The following WNK4 variants were observed in gnomAD, a reference collection of about 807,000 sequenced individuals.
WNK4 encodes the protein WNK lysine deficient protein kinase 4.
In WNK4, 94 loss-of-function variants were observed where a neutral mutation model predicts 116.2. The observed-to-expected ratio is 0.81, with a 90% CI of 0.68 to 0.96. The LOEUF (loss-of-function observed/expected upper bound fraction) is 0.96, where lower values mean the gene tolerates loss of function less well. Ranked by LOEUF, WNK4 falls within the 40% of genes least tolerant of loss-of-function variation. The pLI is 0.00. For synonymous variants in WNK4, 655 were observed against 672.7 expected (o/e 0.97, Z 0.41); for missense variants, 1,542 against 1,650.6 (o/e 0.93, Z 1.14).
rs202162490 is a variant in WNK4, at chr17:42,788,391, G to A, written c.2024G>A (p.Arg675Gln). The change falls in exon 10 of 19, where the codon CGG becomes CAG. Residue 675 changes from arginine (R) to glutamine (Q), a missense_variant. By Grantham distance (43) the Arg-to-Gln change is conservative. Around this residue, in one of 7 missense-constraint regions of WNK4, gnomAD observed 808 missense variants for 873.6 expected, o/e 0.92. Transcript: ENST00000246914. The stretch of plus-strand genomic sequence containing the variant: ...AATCTCCGGCGCAGACCCCGATCCC[G>A]GCTGCGGGTCACTAGTGTAAGGATG... ...GRNLRRRPRS[R>Q]LRVTSVSDQN... 1.3e-5 allele frequency: 21 copies of A among 1,612,816 alleles called. No homozygotes were observed. In the Admixed American group the frequency reaches 2.0e-4, roughly 15 times the overall value.
rs777859949 is a variant in WNK4 at position 42,784,599 on chromosome 17, C to A, written c.1170+20C>A. 2 of 1,613,822 alleles carry A rather than the reference C, an allele frequency of 1.2e-6. No homozygotes were observed. Among genetic ancestry groups the A allele is most frequent in the Non-Finnish European group, 1.7e-6 (2 of 1,179,962 alleles). On this transcript the variant is annotated intron_variant, in intron 4 of 18. Transcript: ENST00000246914. This position sits in a 1 kb window ranked among gnomAD's most constrained non-coding sequence, Gnocchi z 4.4. ...ACTTCGGTGAGAGGGATGGGGCTGG[C>A]GGGAAAGGCAATTCCAGGGCCACTT...
rs2054517954 is a variant in WNK4 at position 42,784,342 on chromosome 17, G to T, written c.1013-80G>T. On this transcript the variant is annotated intron_variant, in intron 3 of 18. Coordinates refer to ENST00000246914, the MANE Select transcript of WNK4 (RefSeq NM_032387.5). This position sits in a 1 kb window ranked among gnomAD's most constrained non-coding sequence, Gnocchi z 4.4. Reference sequence around the variant, plus strand: ...GGCCGGGGTCACTTGCACTCGCAGGGTTGCCTGGGGCTGCCTAGCCCAGTG... The same window carrying T: ...GGCCGGGGTCACTTGCACTCGCAGGTTTGCCTGGGGCTGCCTAGCCCAGTG... 1 of 1,580,544 alleles carries T rather than the reference G, an allele frequency of 6.3e-7. No homozygotes were observed. Among genetic ancestry groups the T allele is most frequent in the African/African-American group, 1.4e-5 (1 of 73,806 alleles).
chr17:42,795,194 T>C lies in WNK4; in HGVS notation c.2773T>C (p.Ser925Pro). ...CTCCACCACAGCAGCCCCTCTCCTT[T>C]CTCTGGCTAGTGCCTTCTCACTGGC... is the stretch of plus-strand genomic sequence containing the variant. The part of the protein sequence containing the change: ...FPSTTAAPLL[S>P]LASAFSLAVM... Residue 925 changes from serine to proline, a missense_variant, in exon 14 of 19, where the codon TCT (serine) becomes CCT (proline). Coordinates refer to ENST00000246914, the MANE Select transcript of WNK4 (RefSeq NM_032387.5). 1 of 1,613,866 alleles carries C rather than the reference T, an allele frequency of 6.2e-7. No homozygotes were observed. The highest frequency in any genetic ancestry group is 8.5e-7 in the Non-Finnish European group (1 of 1,179,940).
chr17:42,784,928 G>T lies in WNK4; in HGVS notation c.1171-169G>T, dbSNP rs991723146. On this transcript the variant is annotated intron_variant, in intron 4 of 18. Coordinates refer to ENST00000246914, the MANE Select transcript of WNK4 (RefSeq NM_032387.5). The surrounding 1 kb of genome is among the most constrained non-coding windows in gnomAD (Gnocchi z 4.4). ...TTCAAGATCACACTGTAAATACTTG[G>T]GGGGGGGGCGGGGATTAGGATTTGA... Among the ~76,000 whole-genome samples, 4 of 71,906 alleles carry T rather than the reference G, an allele frequency of 5.6e-5. No individual in the cohort carries two copies. The highest frequency in any genetic ancestry group is 4.7e-4 in the South Asian group (1 of 2,132). 47.2% of individuals were successfully genotyped at this position (71,906 alleles called of 152,430 possible). A position where few individuals can be genotyped will look rare whatever the true frequency, so the allele number is the denominator to read the frequency against.
At chr17:42,796,439 C>G (rs1380428440) in intron 17 of WNK4, 42 bp from the exon 18 acceptor site, 7 of 1,613,932 alleles carry the variant, frequency 4.3e-6, no homozygotes, top group Non-Finnish European at 5.9e-6. Flanking sequence ...CCCACCTCCC[C>G]TTTCCTCACT....
intron 15 of WNK4, 30 bp from the exon 16 acceptor site, chr17:42,795,595 C>T (rs1362732548): frequency 5.6e-6 from 9 of 1,614,226 alleles, no homozygotes; most frequent in Non-Finnish European, 7.6e-6. Flanking sequence ...GCTCTCCTTT[C>T]CTCATGCCTT....
rs200519604 is a variant in WNK4 at position 42,796,286 on chromosome 17, C to G, written c.3595C>G (p.Arg1199Gly). 2 of 1,611,910 alleles carry G rather than the reference C, an allele frequency of 1.2e-6. No individual in the cohort carries two copies. Among genetic ancestry groups the G allele is most frequent in the Non-Finnish European group, 1.7e-6 (2 of 1,179,232 alleles). Residue 1199 changes from arginine to glycine, a missense_variant, in exon 17 of 19, where the codon CGC becomes GGC. Around this residue, in one of 7 missense-constraint regions of WNK4, gnomAD observed 148 missense variants for 157.2 expected, o/e 0.94. Coordinates refer to ENST00000246914, the MANE Select transcript of WNK4 (RefSeq NM_032387.5). The stretch of plus-strand genomic sequence containing the variant: ...CAAGGGCAGCTTCCCCACCTCCCGC[C>G]GCAACAGCCTACAGCGCTCTGAGCC... ...LSKGSFPTSR[R>G]NSLQRSEPPG...
chr17:42,784,079 G>A lies in WNK4; in HGVS notation c.934G>A (p.Gly312Arg). ...CAAGTGCGACAATGTCTTTATCACG[G>A]GACCTACTGGCTCTGTCAAAATCGG... ...DLKCDNVFIT[G>R]PTGSVKIGDL... Residue 312 changes from glycine to arginine, a missense_variant, in exon 3 of 19, where the codon GGA becomes AGA. This residue lies in a region of WNK4 where 808 missense variants were observed against 873.6 expected (regional missense o/e 0.92). Coordinates refer to ENST00000246914, the MANE Select transcript of WNK4 (RefSeq NM_032387.5). The surrounding 1 kb of genome is among the most constrained non-coding windows in gnomAD (Gnocchi z 4.4). 1 of 1,613,116 alleles carries A rather than the reference G, an allele frequency of 6.2e-7. No individual in the cohort carries two copies. The highest frequency in any genetic ancestry group is 8.5e-7 in the Non-Finnish European group (1 of 1,180,028).
intron 6 of WNK4, 51 bp downstream of exon 6, chr17:42,785,533 T>C: frequency 6.5e-7 from 1 of 1,546,298 alleles, no homozygotes; most frequent in South Asian, 1.2e-5. Flanking sequence ...GGACATTGAC[T>C]CGAGGGGACA....
In WNK4 at chr17:42,782,836, A is replaced by G. The variant is rs1167627965; in HGVS notation, c.697A>G (p.Ile233Val). 2 of 1,614,094 alleles carry G rather than the reference A, an allele frequency of 1.2e-6. No homozygotes were observed. The highest frequency in any genetic ancestry group is 2.2e-5 in the East Asian group (1 of 44,866). The change falls in exon 2 of 19, where the codon ATC (isoleucine) becomes GTC (valine). Residue 233 changes from isoleucine to valine, a missense_variant. By Grantham distance (29) the Ile-to-Val change is conservative. Around this residue, in one of 7 missense-constraint regions of WNK4, gnomAD observed 808 missense variants for 873.6 expected, o/e 0.92. Transcript: ENST00000246914. The surrounding 1 kb of genome is among the most constrained non-coding windows in gnomAD (Gnocchi z 4.2). ...EMLKGLQHPN[I>V]VRFYDSWKSV... ...GCTCAAGGGGCTGCAGCACCCCAAC[A>G]TCGTCCGCTTCTATGATTCGTGGAA...
In WNK4 at chr17:42,785,322, A is replaced by T; in HGVS notation, c.1316A>T (p.His439Leu). 6.2e-7 allele frequency: 1 copy of T among 1,612,302 alleles called. No homozygotes were observed. Among genetic ancestry groups the T allele is most frequent in the Non-Finnish European group, 8.5e-7 (1 of 1,179,302 alleles). Residue 439 changes from histidine to leucine, a missense_variant, in exon 6 of 19, where the codon CAC becomes CTC. By Grantham distance (99) the His-to-Leu change is moderately conservative. Around this residue, in one of 7 missense-constraint regions of WNK4, gnomAD observed 808 missense variants for 873.6 expected, o/e 0.92. Coordinates refer to ENST00000246914, the MANE Select transcript of WNK4 (RefSeq NM_032387.5). ...TTCTTCCGCGAGGAGCGCGGTGTGC[A>T]CGTGGAACTAGCGGAGGAGGACGAC... ...HAFFREERGVHVELAEEDDGE... is the reference protein window; with the variant it reads ...HAFFREERGVLVELAEEDDGE...
chr17:42,796,342 G>A lies in WNK4; in HGVS notation c.3631+20G>A. 6.2e-7 allele frequency: 1 copy of A among 1,610,176 alleles called. No individual in the cohort carries two copies. Among genetic ancestry groups the A allele is most frequent in the Non-Finnish European group, 8.5e-7 (1 of 1,178,238 alleles). On this transcript the variant is annotated intron_variant, in intron 17 of 18. Transcript: ENST00000246914. Reference sequence around the variant, plus strand: ...GCCCTGGTGAGACTGCAGTCACCCAGCTTCCATCTTTTCCCTGAGACCCCT... The same window carrying A: ...GCCCTGGTGAGACTGCAGTCACCCAACTTCCATCTTTTCCCTGAGACCCCT...
At position 42,792,241 on chromosome 17, in the gene WNK4, C is replaced by T. The variant is rs184912341; in HGVS notation, c.2158-1351C>T. 7.9e-5 allele frequency among the ~76,000 whole-genome samples: 12 copies of T among 152,310 alleles called. No individual in the cohort carries two copies. In the East Asian group the frequency reaches 2.3e-3, roughly 29 times the overall value. The stretch of plus-strand genomic sequence containing the variant: ...ACACAGTGTAATGTAGAAGTGTCCA[C>T]ACATGGTAGGTCCTCAATAGAGATT... On this transcript the variant is annotated intron_variant, in intron 11 of 18. Transcript: ENST00000246914.
intron 6 of WNK4, 87 bp from the exon 7 acceptor site, chr17:42,787,191 A>G: frequency 6.3e-7 from 1 of 1,582,526 alleles, no homozygotes; most frequent in African/African-American, 1.3e-5. Context: ...TCTTCCTCCC[A>G]TATCCTGGAG....
In WNK4 at chr17:42,795,492, G is replaced by A; in HGVS notation, c.2993G>A (p.Gly998Glu). ...ASPPPARPLP[G>E]EARLAPISEE... ...CCACCTCCTGCTCGGCCCCTCCCAGGGGAAGCCAGGCTGGCGCCCATCTCT... is the reference window on the plus strand; with the variant it reads ...CCACCTCCTGCTCGGCCCCTCCCAGAGGAAGCCAGGCTGGCGCCCATCTCT... Residue 998 changes from glycine to glutamate, a missense_variant, in exon 15 of 19, where the codon GGG becomes GAG. Around this residue, in one of 7 missense-constraint regions of WNK4, gnomAD observed 292 missense variants for 290.1 expected, o/e 1.01. Transcript: ENST00000246914. 6.2e-7 allele frequency: 1 copy of A among 1,614,180 alleles called. No homozygotes were observed. Among genetic ancestry groups the A allele is most frequent in the Non-Finnish European group, 8.5e-7 (1 of 1,180,028 alleles).
intron 10 of WNK4, 21 bp downstream of exon 10, chr17:42,788,428 A>T (rs1442653415): frequency 6.2e-7 from 1 of 1,608,232 alleles, no homozygotes; most frequent in African/African-American, 1.3e-5. Flanking sequence ...AGTACAGGAG[A>T]TAGAGAGTAA....
chr17:42,784,213 A>G lies in WNK4; in HGVS notation c.1012+56A>G. Reference sequence around the variant, plus strand: ...CCTTCCTCCCCCACCTCAGAAGAGAACCTGGGGACTCCCTCCCCTCAGCAA... The same window carrying G: ...CCTTCCTCCCCCACCTCAGAAGAGAGCCTGGGGACTCCCTCCCCTCAGCAA... On this transcript the variant is annotated intron_variant, in intron 3 of 18. Coordinates refer to ENST00000246914, the MANE Select transcript of WNK4 (RefSeq NM_032387.5). The surrounding 1 kb of genome is among the most constrained non-coding windows in gnomAD (Gnocchi z 4.4). 6.3e-7 allele frequency: 1 copy of G among 1,596,506 alleles called. No individual in the cohort carries two copies. The highest frequency in any genetic ancestry group is 1.1e-5 in the South Asian group (1 of 90,870).
chr17:42,794,873 TC>T lies in WNK4; in HGVS notation c.2456del (p.Pro819LeufsTer116), dbSNP rs2054645784. The stretch of plus-strand genomic sequence containing the variant: ...TCCTTTGTCTCCTGGAAACCCATTT[TC>T]CCCTGGAACCCCCATTTCCCCAGGT... ...GTPLSPGNPF[S>X]PGTPISPGPI... On this transcript the variant is annotated frameshift_variant, in exon 14 of 19. Transcript: ENST00000246914. LOFTEE classifies it high-confidence loss of function. The T allele has an allele frequency of 2.5e-6, 4 of 1,613,452 alleles. No homozygotes were observed. Among genetic ancestry groups the T allele is most frequent in the Non-Finnish European group, 3.4e-6 (4 of 1,179,842 alleles).
chr17:42,793,344 G>A (rs1434011851), intron 11 of WNK4, among the ~76,000 whole-genome samples: 4 of 152,122 alleles, frequency 2.6e-5, no homozygotes, highest in Non-Finnish European at 4.4e-5. Flanking sequence ...CCAAGTAGCT[G>A]GGATTACAGG....
Sources: allele counts gnomAD v4.1 joint callset (sites outside exome capture counted in the v4.1 genomes callset), GRCh38; gene constraint gnomAD v4.1.1; regional missense constraint gnomAD v4.1.1; non-coding constraint Gnocchi (gnomAD v3.1); transcripts MANE v1.5; gene names NCBI Gene and HGNC (gene_info 2026-07-23, HGNC 2026-07-21).